The following MRE11 variants were observed in gnomAD, a reference collection of about 807,000 sequenced individuals.
The protein encoded by MRE11 is double-strand break repair protein MRE11.
In MRE11, 62 loss-of-function variants were observed where a neutral mutation model predicts 91.7. That is an observed-to-expected ratio of 0.68 (90% CI 0.55 to 0.84). MRE11 has a LOEUF of 0.84. Among genes scored for constraint, MRE11 ranks in the 40% least tolerant of loss-of-function variants. The pLI, the probability that MRE11 is intolerant of heterozygous loss-of-function variation, is 0.00. For synonymous variants in MRE11, 273 were observed against 271.4 expected, an observed-to-expected ratio of 1.01 and a Z score of -0.06; for missense variants, 796 against 852.9, an observed-to-expected ratio of 0.93 and a Z score of 0.83.
intron 1 of MRE11, 24 bp from the exon 2 acceptor site, chr11:94,492,930 AAC>A: frequency 1.2e-6 from 1 of 856,814 alleles, no homozygotes; most frequent in Non-Finnish European, 1.9e-6. Context: ...TACATCATAA[AAC>A]ACATTTTTTA....
At chr11:94,442,089 T>A (rs1945797074) in intron 16 of MRE11, among the ~76,000 whole-genome samples, 1 of 151,334 alleles carries the variant, frequency 6.6e-6, no homozygotes, top group Non-Finnish European at 1.5e-5. Flanking sequence ...AGAGGTCTTA[T>A]CATTATTTAA....
intron 10 of MRE11, among the ~76,000 whole-genome samples, chr11:94,467,541 A>G (rs964065716): frequency 6.6e-6 from 1 of 152,190 alleles, no homozygotes; most frequent in African/African-American, 2.4e-5. Context: ...TGAAGTGAGT[A>G]GAGGAGGTAG....
the MRE11 span, chr11:94,499,585 G>A: frequency 6.6e-6 from 1 of 152,024 alleles, no homozygotes; most frequent in Non-Finnish European, 1.5e-5. Flanking sequence ...AACACAAAAG[G>A]CATGAATTCA....
the MRE11 span, among the ~76,000 whole-genome samples, chr11:94,510,956 T>C: frequency 1.3e-5 from 2 of 152,184 alleles, no homozygotes; most frequent in Non-Finnish European, 2.9e-5. Context: ...GGCTGCATCC[T>C]TAGCACATAT....
chr11:94,479,439 CTTA>C (rs1307417440), intron 5 of MRE11, among the ~76,000 whole-genome samples: 1 of 152,126 alleles, frequency 6.6e-6, no homozygotes. Flanking sequence ...CTCCTGGCTT[CTTA>C]TTGTTAACAT....
At chr11:94,457,851 ACTCTTT>A (rs1390098082) in intron 13 of MRE11, among the ~76,000 whole-genome samples, 3 of 144,548 alleles carry the variant, frequency 2.1e-5, no homozygotes, top group African/African-American at 7.9e-5. Flanking sequence ...ACTCACACAC[ACTCTTT>A]CTCTTTCTCT....
chr11:94,451,952 T>G (rs1419356200), intron 14 of MRE11, among the ~76,000 whole-genome samples: 1 of 152,006 alleles, frequency 6.6e-6, no homozygotes, highest in Non-Finnish European at 1.5e-5. Flanking sequence ...ATGCCTGTCA[T>G]CCCAGCACTT....
the MRE11 span, among the ~76,000 whole-genome samples, chr11:94,508,111 T>G: frequency 6.6e-6 from 1 of 151,970 alleles, no homozygotes; most frequent in Non-Finnish European, 1.5e-5. Flanking sequence ...CTAGGACTAC[T>G]AATTCATGTA....
chr11:94,437,051 G>T, intron 17 of MRE11, 126 bp downstream of exon 17: 1 of 793,422 alleles, frequency 1.3e-6, no homozygotes, highest in Non-Finnish European at 2.0e-6. Context: ...AATTGGTAAA[G>T]CTCCTTCCAG....
intron 14 of MRE11, among the ~76,000 whole-genome samples, chr11:94,448,269 A>T (rs1051495227): frequency 6.6e-6 from 1 of 152,096 alleles, no homozygotes. Flanking sequence ...ACAATCTCTC[A>T]CAAATATATG....
Position 94,419,351 on chromosome 11 carries a change from G to A in MRE11, c.*774C>T, listed in dbSNP as rs1945102994. On this transcript the variant is annotated 3_prime_UTR_variant, in exon 20 of 20. Coordinates refer to ENST00000323929, the MANE Select transcript of MRE11 (RefSeq NM_005591.4). ...AAAACAAATTCTTCAATATTTTCAA[G>A]ATGTAGTTTAAAACAATTTTTAACC... is the stretch of plus-strand genomic sequence containing the variant. The A allele has an allele frequency of 4.3e-6, 1 of 232,176 alleles. No individual in the cohort carries two copies. Among genetic ancestry groups the A allele is most frequent in the Non-Finnish European group, 8.5e-6 (1 of 117,658 alleles). 14.4% of individuals were successfully genotyped at this position (232,176 alleles called of 1,614,324 possible). A position where few individuals can be genotyped will look rare whatever the true frequency, so the allele number is the denominator to read the frequency against.
intron 3 of MRE11, among the ~76,000 whole-genome samples, chr11:94,487,192 A>G (rs1947163446): frequency 6.6e-6 from 1 of 152,200 alleles, no homozygotes; most frequent in East Asian, 1.9e-4. Context: ...TTGCACAGCA[A>G]TATGAACATA....
chr11:94,475,732 T>A (rs1053060834), intron 7 of MRE11: 1 of 424,260 alleles, frequency 2.4e-6, no homozygotes, highest in African/African-American at 2.1e-5. Context: ...TGTCTAAGAA[T>A]GTTCATAACA....
At chr11:94,455,763 A>G (rs1469949648) in intron 14 of MRE11, among the ~76,000 whole-genome samples, 1 of 152,172 alleles carries the variant, frequency 6.6e-6, no homozygotes, top group African/African-American at 2.4e-5. Flanking sequence ...TTTTTGCCCA[A>G]AATAATATCA....
At chr11:94,421,602 T>C (rs1457480656) in intron 19 of MRE11, among the ~76,000 whole-genome samples, 1 of 152,240 alleles carries the variant, frequency 6.6e-6, no homozygotes, top group Non-Finnish European at 1.5e-5. Flanking sequence ...AAGCAACATG[T>C]TAGTATTTAA....
intron 14 of MRE11, among the ~76,000 whole-genome samples, chr11:94,448,185 C>T (rs1405758589): frequency 6.6e-6 from 1 of 151,864 alleles, no homozygotes; most frequent in African/African-American, 2.4e-5. Context: ...GTTTTTTGTT[C>T]TTGAATATTA....
chr11:94,496,631 C>T, upstream of MRE11: 1 of 1,390,246 alleles, frequency 7.2e-7, no homozygotes, highest in South Asian at 1.5e-5. Flanking sequence ...AGTCATAATT[C>T]ATCTCTAGAA....
rs1215254762 is a variant in MRE11 at position 94,460,978 on chromosome 11, C to A, written c.1284G>T (p.Arg428Ser). ...AGTACTGTTTTACAAGATCTTCTAC[C>A]CTTAAAGTTGTTCCTTCTGAAGGCT... ...ITKPSEGTTL[R>S]VEDLVKQYFQ... Residue 428 changes from arginine to serine, a missense_variant, in exon 12 of 20, where the codon AGG (arginine) becomes AGT (serine). By Grantham distance (110) the Arg-to-Ser change is moderately radical. Transcript: ENST00000323929. 1 of 1,613,752 alleles carries A rather than the reference C, an allele frequency of 6.2e-7. No individual in the cohort carries two copies. Among genetic ancestry groups the A allele is most frequent in the South Asian group, 1.1e-5 (1 of 91,072 alleles).
At chr11:94,483,027 G>A (rs1947051524) in intron 4 of MRE11, among the ~76,000 whole-genome samples, 1 of 151,866 alleles carries the variant, frequency 6.6e-6, no homozygotes, top group Non-Finnish European at 1.5e-5. Context: ...GAAAAACAAG[G>A]ACAAAGTATT....
Sources: gnomAD v4.1 joint callset for allele counts (sites outside exome capture counted in the v4.1 genomes callset) on GRCh38, gnomAD v4.1.1 for gene constraint, MANE v1.5 for transcripts, NCBI Gene and HGNC (gene_info 2026-07-23, HGNC 2026-07-21) for gene names.